GADL1: variants seen among roughly 807,000 people sequenced by gnomAD.
The protein encoded by GADL1 is GAD like acidic amino acid decarboxylase 1.
In GADL1, 71 loss-of-function variants were observed where a neutral mutation model predicts 69.5. That is an observed-to-expected ratio of 1.02 (90% confidence interval 0.84 to 1.25). The LOEUF is 1.25. Ranked by LOEUF, GADL1 falls within the 50% of genes most tolerant of loss-of-function variation. The pLI, the probability that GADL1 is intolerant of heterozygous loss-of-function variation, is 0.00. For missense variants in GADL1, 737 were observed against 631.8 expected, an observed-to-expected ratio of 1.17 and a Z score of -1.79; for synonymous variants, 254 against 214.4, an observed-to-expected ratio of 1.18 and a Z score of -1.62.
At chr3:30,888,644 C>A (rs1698740914) in intron 1 of GADL1, among the ~76,000 whole-genome samples, 1 of 152,044 alleles carries the variant, frequency 6.6e-6, no homozygotes, top group Non-Finnish European at 1.5e-5. Context: ...CTCATTAGAA[C>A]TTCTTATTCT....
At chr3:30,788,458 T>C (rs1192408431) in intron 12 of GADL1, among the ~76,000 whole-genome samples, 4 of 152,168 alleles carry the variant, frequency 2.6e-5, no homozygotes, top group African/African-American at 9.7e-5. Context: ...CTTCAGTGAG[T>C]TGTAATCTTT....
chr3:30,758,723 A>AG (rs1696043405), intron 14 of GADL1, among the ~76,000 whole-genome samples: 1 of 152,242 alleles, frequency 6.6e-6, no homozygotes, highest in African/African-American at 2.4e-5. Context: ...TCCATTCAAG[A>AG]GGACTCCATT....
At chr3:30,790,805 T>C (rs1696897007) in intron 12 of GADL1, among the ~76,000 whole-genome samples, 1 of 152,114 alleles carries the variant, frequency 6.6e-6, no homozygotes, top group African/African-American at 2.4e-5. Context: ...GTATATTCCA[T>C]ACAAAATAAC....
chr3:30,875,411 CATT>C (rs953751159), intron 1 of GADL1, among the ~76,000 whole-genome samples: 6 of 151,998 alleles, frequency 3.9e-5, no homozygotes, highest in African/African-American at 1.4e-4. Context: ...AATCTTATCT[CATT>C]ATAGAATTAG....
chr3:30,836,128 C>T (rs1308640225), intron 9 of GADL1, among the ~76,000 whole-genome samples: 2 of 152,052 alleles, frequency 1.3e-5, no homozygotes, highest in South Asian at 2.1e-4. Context: ...CTATCAGTGA[C>T]AACTACAGGA....
chr3:30,811,472 T>G (rs1054357663), intron 11 of GADL1, among the ~76,000 whole-genome samples: 3 of 152,120 alleles, frequency 2.0e-5, no homozygotes, highest in African/African-American at 7.2e-5. Flanking sequence ...TTTTCGATTT[T>G]CCCTAGGCAA....
In GADL1 at chr3:30,759,888, T is replaced by C. The variant is rs568798366; in HGVS notation, c.1392+18291A>G. 6.6e-5 allele frequency among the ~76,000 whole-genome samples: 10 copies of C among 152,290 alleles called. No homozygotes were observed. In the South Asian group the frequency reaches 1.9e-3, roughly 28 times the overall value. On this transcript the variant is annotated intron_variant, in intron 14 of 14. Coordinates refer to ENST00000282538, the MANE Select transcript of GADL1 (RefSeq NM_207359.3). The stretch of plus-strand genomic sequence containing the variant: ...ATATAACAGACTCACAAAATGCTCT[T>C]ATGCAGGTGGACTTGTGCTCTATGC...
In GADL1 at chr3:30,894,562, C is replaced by T. The variant is rs1334924612; in HGVS notation, c.37+16G>A. The T allele has an allele frequency of 2.7e-5, 42 of 1,546,938 alleles. No individual in the cohort carries two copies. The highest frequency in any genetic ancestry group is 1.2e-4 in the East Asian group (5 of 40,470). ...GGAGGTTAAGGACAAAAACCGCAGC[C>T]GCGCTGAGTCGTTACCGTCCACAGG... On this transcript the variant is annotated intron_variant, in intron 1 of 14. Transcript: ENST00000282538.
At chr3:30,737,824 T>C (rs1385101501) in intron 14 of GADL1, among the ~76,000 whole-genome samples, 2 of 152,158 alleles carry the variant, frequency 1.3e-5, no homozygotes, top group African/African-American at 2.4e-5. Context: ...ATAAAAGAAC[T>C]GCCTCATTCA....
chr3:30,772,636 G>C (rs115584062), intron 14 of GADL1, among the ~76,000 whole-genome samples: 4 of 152,238 alleles, frequency 2.6e-5, no homozygotes, highest in South Asian at 4.1e-4. Context: ...AAGCACTTTG[G>C]GGGGCTGAGG....
intron 14 of GADL1, among the ~76,000 whole-genome samples, chr3:30,728,947 A>G (rs1575175788): frequency 7.2e-6 from 1 of 139,316 alleles, no homozygotes; most frequent in Non-Finnish European, 1.7e-5. Flanking sequence ...GTACAGTTCT[A>G]TTTTGAAGCC....
At chr3:30,758,673 C>T (rs547643241) in intron 14 of GADL1, among the ~76,000 whole-genome samples, 68 of 152,262 alleles carry the variant, frequency 4.5e-4, no homozygotes, top group Middle Eastern at 3.4e-3. Flanking sequence ...AAAAACTATT[C>T]CTGGATTCTT....
chr3:30,775,836 C>T (rs1696524422), intron 14 of GADL1, among the ~76,000 whole-genome samples: 1 of 152,146 alleles, frequency 6.6e-6, no homozygotes, highest in Non-Finnish European at 1.5e-5. Context: ...GTGGCTCACG[C>T]CTGTAATCCC....
At chr3:30,760,634 G>A (rs1559490938) in intron 14 of GADL1, among the ~76,000 whole-genome samples, 1 of 152,002 alleles carries the variant, frequency 6.6e-6, no homozygotes, top group Non-Finnish European at 1.5e-5. Flanking sequence ...TAATTACTAC[G>A]TATCTTAAGT....
rs149883111 is a variant in GADL1, at chr3:30,770,161, A to T, written c.1392+8018T>A. Among the ~76,000 whole-genome samples, 511 of 152,188 alleles carry T rather than the reference A, an allele frequency of 3.4e-3. 4 individuals are homozygous for T. The highest frequency in any genetic ancestry group is 0.012 in the African/African-American group (490 of 41,538). On this transcript the variant is annotated intron_variant, in intron 14 of 14. Coordinates refer to ENST00000282538, the MANE Select transcript of GADL1 (RefSeq NM_207359.3). ...ATCACAGTCCCCATCACTCCCTACT[A>T]TGTTATGCTCAGGCTCCTCTCATTT... is the stretch of plus-strand genomic sequence containing the variant.
chr3:30,786,299 C>A (rs1696787501), intron 13 of GADL1, 56 bp downstream of exon 13: 1 of 1,040,036 alleles, frequency 9.6e-7, no homozygotes, highest in Admixed American at 1.7e-5. Flanking sequence ...AAGAAAATTA[C>A]CACCTTCATC....
In GADL1 at chr3:30,761,287, TCA is replaced by T. The variant is rs564914877; in HGVS notation, c.1392+16890_1392+16891del. On this transcript the variant is annotated intron_variant, in intron 14 of 14. Transcript: ENST00000282538. ...CAGGGAAGAAGACAGCTAGAGCCTCTCAGAGCTCCTCAACAAGCTAAGCTAAA... is the reference window on the plus strand; with the variant it reads ...CAGGGAAGAAGACAGCTAGAGCCTCTGAGCTCCTCAACAAGCTAAGCTAAA... Among the ~76,000 whole-genome samples, 16 of 122,872 alleles carry T rather than the reference TCA, an allele frequency of 1.3e-4. No individual in the cohort carries two copies. The East Asian group carries it at 2.9e-3, about 23-fold the overall frequency. 80.6% of individuals were successfully genotyped at this position (122,872 alleles called of 152,430 possible).
At chr3:30,807,612 T>C (rs1431656998) in intron 11 of GADL1, among the ~76,000 whole-genome samples, 1 of 152,156 alleles carries the variant, frequency 6.6e-6, no homozygotes, top group Non-Finnish European at 1.5e-5. Context: ...ACTTGAGAGC[T>C]AAGGAGCCAT....
chr3:30,730,209 AT>A (rs1695435341), intron 14 of GADL1, among the ~76,000 whole-genome samples: 1 of 152,188 alleles, frequency 6.6e-6, no homozygotes. Context: ...AAACCCATGA[AT>A]TTGTATGCAT....
Sources: gnomAD v4.1 joint callset for allele counts (sites outside exome capture counted in the v4.1 genomes callset) on GRCh38, gnomAD v4.1.1 for gene constraint, MANE v1.5 for transcripts, NCBI Gene and HGNC (gene_info 2026-07-23, HGNC 2026-07-21) for gene names.